PPP1R16A: variants seen among roughly 807,000 people sequenced by gnomAD.
PPP1R16A encodes myosin phosphatase-targeting subunit 3.
Under a neutral mutation model 46.6 loss-of-function variants are expected in PPP1R16A, and 39 were observed. The ratio of observed to expected loss-of-function variants is 0.84; its 90% CI spans 0.65 to 1.09. The LOEUF (loss-of-function observed/expected upper bound fraction) is 1.09. Ranked by LOEUF, PPP1R16A falls within the 50% of genes least tolerant of loss-of-function variation. The pLI is 0.00. For missense variants in PPP1R16A, 798 were observed against 735.6 expected (o/e 1.08, Z -0.98); for synonymous variants, 413 against 321.5 (o/e 1.28, Z -3.04).
rs1052743481 is a variant in PPP1R16A, at chr8:144,500,624, C to T, written c.831+12C>T. ...CCTACTGGGGCCAGGTGAGTGCGGG[C>T]GGGAGCAGGTGGGAGGGGGCTTCCA... On this transcript the variant is annotated intron_variant, in intron 8 of 11. Coordinates refer to ENST00000435887, the MANE Select transcript of PPP1R16A (RefSeq NM_001329443.2). The T allele has an allele frequency of 1.2e-6, 2 of 1,602,268 alleles. No homozygotes were observed. Among genetic ancestry groups the T allele is most frequent in the East Asian group, 2.2e-5 (1 of 44,812 alleles).
chr8:144,492,363 T>G (rs1586746842), intron 2 of PPP1R16A, among the ~76,000 whole-genome samples: 2 of 129,590 alleles, frequency 1.5e-5, no homozygotes, highest in African/African-American at 5.9e-5. Context: ...TGATAGGGAG[T>G]CTCTCTCTGT....
chr8:144,482,069 C>T (rs1825452631), intron 1 of PPP1R16A, among the ~76,000 whole-genome samples: 1 of 145,322 alleles, frequency 6.9e-6, no homozygotes, highest in South Asian at 2.4e-4. Flanking sequence ...AGCCACTGTG[C>T]CCGGCTGCCG....
chr8:144,499,885 G>A (rs1214568877), intron 5 of PPP1R16A: 7 of 567,052 alleles, frequency 1.2e-5, no homozygotes, highest in Non-Finnish European at 1.9e-5. Context: ...ATCCCTGGAT[G>A]GATAGAGACT....
intron 1 of PPP1R16A, chr8:144,479,244 TG>T: frequency 6.6e-6 from 1 of 152,632 alleles, no homozygotes; most frequent in Non-Finnish European, 1.5e-5. Context: ...CCTGAGGGGC[TG>T]GGGGCTGCCT....
At chr8:144,500,788 T>G (rs915949348) in intron 9 of PPP1R16A, 27 bp downstream of exon 9, 1 of 1,608,120 alleles carries the variant, frequency 6.2e-7, no homozygotes, top group Non-Finnish European at 8.5e-7. Context: ...CACCTCCACC[T>G]GGGGGAGAGG....
intron 2 of PPP1R16A, among the ~76,000 whole-genome samples, chr8:144,494,261 T>C (rs1250378095): frequency 6.6e-6 from 1 of 151,196 alleles, no homozygotes; most frequent in Non-Finnish European, 1.5e-5. Flanking sequence ...TATGAGCCAC[T>C]GTGCCCCGCC....
At chr8:144,488,687 GC>G (rs1166491308) in intron 1 of PPP1R16A, among the ~76,000 whole-genome samples, 9 of 152,266 alleles carry the variant, frequency 5.9e-5, no homozygotes, top group African/African-American at 1.2e-4. Context: ...GCAACGATGG[GC>G]GGGGGTGAAG....
intron 5 of PPP1R16A, chr8:144,499,313 C>T (rs568896638): frequency 2.5e-4 from 135 of 546,278 alleles, no homozygotes; most frequent in Admixed American, 5.3e-4. Flanking sequence ...CGGGCCCCCC[C>T]CCAGAGTGTG....
rs1376737425 is a variant in PPP1R16A, at chr8:144,493,513, T to G, written c.-734-2948T>G. Among the ~76,000 whole-genome samples the G allele has an allele frequency of 5.9e-5, 9 of 152,174 alleles. No homozygotes were observed. The highest frequency in any genetic ancestry group is 5.9e-4 in the Admixed American group (9 of 15,288). Reference sequence around the variant, plus strand: ...TGTGGCTGGGAGGAGTAGACAAAGCTTCCACTAGAAGTTCTGCTAGGGCAG... The same window carrying G: ...TGTGGCTGGGAGGAGTAGACAAAGCGTCCACTAGAAGTTCTGCTAGGGCAG... On this transcript the variant is annotated intron_variant, in intron 2 of 11. Transcript: ENST00000435887. This position sits in a 1 kb window ranked among gnomAD's most constrained non-coding sequence, Gnocchi z 4.3.
chr8:144,492,096 C>T (rs367673990), intron 2 of PPP1R16A, among the ~76,000 whole-genome samples: 26 of 152,176 alleles, frequency 1.7e-4, no homozygotes, highest in East Asian at 7.7e-4. Flanking sequence ...CAGAACCAGC[C>T]GGAGGGCAGG....
rs1826092905 is a variant in PPP1R16A, at chr8:144,496,883, C to T, written c.-312C>T. On this transcript the variant is annotated 5_prime_UTR_variant, in exon 3 of 12. Coordinates refer to ENST00000435887, the MANE Select transcript of PPP1R16A (RefSeq NM_001329443.2). ...GGCCGGCCAGGTCTCGGGGCTGCCT[C>T]CCATAGGTTGTGCACCCTGACCCCG... The T allele has an allele frequency of 3.9e-6, 2 of 512,598 alleles. No individual in the cohort carries two copies. The highest frequency in any genetic ancestry group is 3.4e-5 in the East Asian group (1 of 29,030). The allele number at this position is 512,598 out of a possible 1,614,324, so 31.8% of individuals were successfully genotyped here.
chr8:144,482,531 C>T (rs1458665881), intron 1 of PPP1R16A, among the ~76,000 whole-genome samples: 3 of 150,444 alleles, frequency 2.0e-5, no homozygotes, highest in Non-Finnish European at 3.0e-5. Flanking sequence ...AGCAGTTCTC[C>T]CTGCCTCAAC....
chr8:144,488,684 T>TG (rs1418215581), intron 1 of PPP1R16A, among the ~76,000 whole-genome samples: 5 of 151,990 alleles, frequency 3.3e-5, no homozygotes, highest in African/African-American at 1.2e-4. Flanking sequence ...TGGGCAACGA[T>TG]GGGCGGGGGT....
Position 144,478,056 on chromosome 8 carries a change from A to T in PPP1R16A, c.-985A>T, listed in dbSNP as rs972701511. 5 of 395,126 alleles carry T rather than the reference A, an allele frequency of 1.3e-5. No homozygotes were observed. In the East Asian group the frequency reaches 1.4e-4, roughly 11 times the overall value. The allele number at this position is 395,126 out of a possible 1,614,324, so 24.5% of individuals were successfully genotyped here. A position where few individuals can be genotyped will look rare whatever the true frequency, so the allele number is the denominator to read the frequency against. On this transcript the variant is annotated 5_prime_UTR_variant, in exon 1 of 12. Coordinates refer to ENST00000435887, the MANE Select transcript of PPP1R16A (RefSeq NM_001329443.2). ...GCGGGGCCCGCCCCCGCAGCGCCTCAGGGAGCGCGGGGCCCACTGACCCGC... is the reference window on the plus strand; with the variant it reads ...GCGGGGCCCGCCCCCGCAGCGCCTCTGGGAGCGCGGGGCCCACTGACCCGC...
At chr8:144,494,843 G>A (rs1194851717) in intron 2 of PPP1R16A, among the ~76,000 whole-genome samples, 1 of 152,178 alleles carries the variant, frequency 6.6e-6, no homozygotes, top group African/African-American at 2.4e-5. Flanking sequence ...GCTCTGGCAT[G>A]CCAGGTGTGG....
chr8:144,494,034 A>G (rs923962545), intron 2 of PPP1R16A, among the ~76,000 whole-genome samples: 2 of 152,136 alleles, frequency 1.3e-5, no homozygotes, highest in African/African-American at 4.8e-5. Context: ...TTCCGTCGGG[A>G]GTGTGGCTGC....
Position 144,500,885 on chromosome 8 carries a change from G to GAAGCAC in PPP1R16A, c.958_963dup (p.Lys320_His321dup). On this transcript the variant is annotated inframe_insertion, in exon 10 of 12. Coordinates refer to ENST00000435887, the MANE Select transcript of PPP1R16A (RefSeq NM_001329443.2). ...AGGTGCGGGCCAAGCTGCTGGAGCTGAAGCACAAGCACGACGCCCTCCTGC... is the reference window on the plus strand; with the variant it reads ...AGGTGCGGGCCAAGCTGCTGGAGCTGAAGCACAAGCACAAGCACGACGCCCTCCTGC... 6.4e-7 allele frequency: 1 copy of GAAGCAC among 1,555,736 alleles called. No homozygotes were observed. Among genetic ancestry groups the GAAGCAC allele is most frequent in the Non-Finnish European group, 8.7e-7 (1 of 1,152,532 alleles).
chr8:144,499,540 T>C, intron 5 of PPP1R16A: 1 of 188,482 alleles, frequency 5.3e-6, no homozygotes, highest in South Asian at 1.3e-4. Context: ...GGGAGAGAGG[T>C]CAGGGCTGCG....
chr8:144,497,491 G>A (rs765230005), intron 3 of PPP1R16A, 38 bp downstream of exon 3: 5 of 1,602,550 alleles, frequency 3.1e-6, no homozygotes, highest in South Asian at 2.2e-5. Flanking sequence ...CCCAGCAGAC[G>A]GCCCACTCCC....
Sources: gnomAD v4.1 joint callset for allele counts (sites outside exome capture counted in the v4.1 genomes callset) on GRCh38, gnomAD v4.1.1 for gene constraint, Gnocchi (gnomAD v3.1) non-coding constraint, MANE v1.5 for transcripts, NCBI Gene and HGNC (gene_info 2026-07-23, HGNC 2026-07-21) for gene names.